AKAP14: variants seen among roughly 807,000 people sequenced by gnomAD.
The protein encoded by AKAP14 is A-kinase anchor protein 14.
A neutral mutation model predicts 17.0 loss-of-function variants in AKAP14; 4 were observed. That is an observed-to-expected ratio of 0.23 (90% CI 0.12 to 0.54). The LOEUF is 0.54. AKAP14 is among the 20% of genes least tolerant of loss of function. The probability of loss-of-function intolerance (pLI) is 0.95; values close to 1 mark genes in which losing one functional copy is unlikely to be tolerated. For synonymous variants in AKAP14, 42 were observed against 51.3 expected (o/e 0.82, Z 0.77); for missense variants, 129 against 150.9 (o/e 0.85, Z 0.76).
At chrX:119,920,387 A>G (rs2056682435) in intron 6 of AKAP14, 121 bp from the exon 7 acceptor site, 2 of 525,260 alleles carry the variant, frequency 3.8e-6, no homozygotes, top group African/African-American at 4.7e-5. Flanking sequence ...TCCCCCGCCA[A>G]TAAAAGAGGC....
chrX:119,902,328 G>A (rs750263727), intron 2 of AKAP14, among the ~76,000 whole-genome samples: 40 of 110,625 alleles, frequency 3.6e-4, no homozygotes, highest in African/African-American at 1.3e-3. Flanking sequence ...CCTGCCTCAG[G>A]CTCCCAAAGT....
At position 119,911,971 on chromosome X, in the gene AKAP14, C is replaced by T. The variant is rs185061064; in HGVS notation, c.262-2728C>T. Reference sequence around the variant, plus strand: ...CTGAGATGGAGTTTCGCTCTTGTCGCCCAGGCTGAAGTGCAATGGCGCGAT... The same window carrying T: ...CTGAGATGGAGTTTCGCTCTTGTCGTCCAGGCTGAAGTGCAATGGCGCGAT... On this transcript the variant is annotated intron_variant, in intron 4 of 6. Coordinates refer to ENST00000371431, the MANE Select transcript of AKAP14 (RefSeq NM_178813.6). 1.7e-3 allele frequency among the ~76,000 whole-genome samples: 184 copies of T among 107,317 alleles called. 1 individual carries two copies. Among genetic ancestry groups the T allele is most frequent in the African/African-American group, 5.8e-3 (172 of 29,521 alleles). The allele number at this position is 107,317 out of a possible 115,157, so 93.2% of individuals were successfully genotyped here. A position where few individuals can be genotyped will look rare whatever the true frequency, so the allele number is the denominator to read the frequency against.
intron 4 of AKAP14, among the ~76,000 whole-genome samples, chrX:119,912,654 G>T (rs1384795063): frequency 1.8e-5 from 2 of 110,514 alleles, no homozygotes; most frequent in African/African-American, 6.6e-5. Flanking sequence ...GCCTCCCAAA[G>T]TGCTGGCATT....
chrX:119,907,753 G>A (rs993755379), intron 4 of AKAP14, among the ~76,000 whole-genome samples: 3 of 111,602 alleles, frequency 2.7e-5, no homozygotes, highest in Non-Finnish European at 5.6e-5. Context: ...ACTGGCAGTG[G>A]CCACTGCACC....
chrX:119,914,735 G>A lies in AKAP14; in HGVS notation c.298G>A (p.Glu100Lys). ...VSKKCWAHGVEFVERKDLIHS... is the reference protein window; with the variant it reads ...VSKKCWAHGVKFVERKDLIHS... ...TAAAAAATGCTGGGCACATGGCGTA[G>A]AGTTTGTAGAGAGGAAAGACTTAAT... The change falls in exon 5 of 7, where the codon GAG (glutamate) becomes AAG (lysine). Residue 100 changes from glutamate to lysine, a missense_variant. Coordinates refer to ENST00000371431, the MANE Select transcript of AKAP14 (RefSeq NM_178813.6). The A allele has an allele frequency of 8.3e-7, 1 of 1,210,664 alleles. No homozygotes were observed.
rs1003565551 is a variant in AKAP14, at chrX:119,914,644, C to G, written c.262-55C>G. The G allele has an allele frequency of 3.6e-6, 4 of 1,124,616 alleles. No homozygotes were observed. The African/African-American group carries it at 7.3e-5, about 20-fold the overall frequency. 92.7% of individuals were successfully genotyped at this position (1,124,616 alleles called of 1,213,427 possible). A position where few individuals can be genotyped will look rare whatever the true frequency, so the allele number is the denominator to read the frequency against. Reference sequence around the variant, plus strand: ...AGCCATGCTGCATTTATCTACAGGACTTGAACAGAAGGCTTTTCTTTTTCT... The same window carrying G: ...AGCCATGCTGCATTTATCTACAGGAGTTGAACAGAAGGCTTTTCTTTTTCT... On this transcript the variant is annotated intron_variant, in intron 4 of 6. Transcript: ENST00000371431.
At chrX:119,902,934 G>A (rs1212622881) in intron 2 of AKAP14, among the ~76,000 whole-genome samples, 2 of 111,858 alleles carry the variant, frequency 1.8e-5, no homozygotes, top group Admixed American at 9.6e-5. Flanking sequence ...CAGGTGATCC[G>A]CCCGCCTCGG....
Position 119,920,585 on chromosome X carries a change from C to T in AKAP14, c.572C>T (p.Pro191Leu). ...DAKYSFMESF[P>L]FLFNRV ...AAATATAGTTTCATGGAGTCATTCC[C>T]CTTCTTATTCAATCGTGTCTGATAC... The change falls in exon 7 of 7, where the codon CCC becomes CTC. Residue 191 changes from proline to leucine, a missense_variant. Transcript: ENST00000371431. 1.7e-6 allele frequency: 2 copies of T among 1,203,198 alleles called. No homozygotes were observed. Among genetic ancestry groups the T allele is most frequent in the Non-Finnish European group, 2.2e-6 (2 of 889,228 alleles).
At chrX:119,904,194 T>C (rs1384180222) in intron 4 of AKAP14, among the ~76,000 whole-genome samples, 2 of 111,828 alleles carry the variant, frequency 1.8e-5, no homozygotes, top group African/African-American at 6.5e-5. Context: ...TGCCTTGGCC[T>C]CCCAAAGTGC....
chrX:119,908,481 TA>T (rs35098622), intron 4 of AKAP14, among the ~76,000 whole-genome samples: 9,492 of 109,656 alleles, frequency 0.087, 480 homozygotes, highest in African/African-American at 0.2. Flanking sequence ...ACTTTTATAA[TA>T]AAAAAAAGAC....
rs2056577928 is a variant in AKAP14, at chrX:119,903,256, A to G, written c.33A>G (p.Lys11=). ...AGACTCAAAATTCAACAAGCCAGAA[A>G]GCAATGGATGAGGATAACAAAGCCG... MSETQNSTSQ[K]AMDEDNKAAS... Residue 11 remains lysine, a synonymous_variant, in exon 3 of 7, where the codon AAA becomes AAG. Transcript: ENST00000371431. 8.3e-7 allele frequency: 1 copy of G among 1,208,928 alleles called. No individual in the cohort carries two copies. Among genetic ancestry groups the G allele is most frequent in the Admixed American group, 2.2e-5 (1 of 45,266 alleles).
chrX:119,912,088 G>A (rs954103604), intron 4 of AKAP14, among the ~76,000 whole-genome samples: 12 of 109,875 alleles, frequency 1.1e-4, no homozygotes, highest in Non-Finnish European at 1.5e-4. Flanking sequence ...CCACCACCAC[G>A]CCCGGCTCAT....
chrX:119,914,552 G>A (rs1220867205), intron 4 of AKAP14, 147 bp from the exon 5 acceptor site: 1 of 514,781 alleles, frequency 1.9e-6, no homozygotes, highest in African/African-American at 2.4e-5. Context: ...GGAACTCCTG[G>A]GCTCAAGCAA....
At chrX:119,901,976 G>A (rs755230940) in intron 2 of AKAP14, among the ~76,000 whole-genome samples, 1 of 110,578 alleles carries the variant, frequency 9.0e-6, no homozygotes, top group Non-Finnish European at 1.9e-5. Flanking sequence ...CCGAGATAGC[G>A]CCATTGCTCT....
chrX:119,902,393 G>C (rs1313591255), intron 2 of AKAP14, among the ~76,000 whole-genome samples: 1 of 110,640 alleles, frequency 9.0e-6, no homozygotes, highest in East Asian at 2.9e-4. Flanking sequence ...CTTTTTAAAA[G>C]TTAAGACAGG....
intron 4 of AKAP14, 51 bp from the exon 5 acceptor site, chrX:119,914,648 A>G (rs1743156262): frequency 2.6e-6 from 3 of 1,134,194 alleles, no homozygotes; most frequent in African/African-American, 3.6e-5. Flanking sequence ...ACAGGACTTG[A>G]ACAGAAGGCT....
At chrX:119,896,872 G>A (rs866874541) in intron 2 of AKAP14, among the ~76,000 whole-genome samples, 54 of 96,347 alleles carry the variant, frequency 5.6e-4, no homozygotes, top group Middle Eastern at 5.3e-3. Flanking sequence ...GTGCAGCAGC[G>A]CGATCAAGGC....
At chrX:119,913,707 C>T (rs910256173) in intron 4 of AKAP14, among the ~76,000 whole-genome samples, 17 of 111,078 alleles carry the variant, frequency 1.5e-4, no homozygotes, top group African/African-American at 5.5e-4. Flanking sequence ...ACCCAGGAGG[C>T]AGAGGTTGCA....
In AKAP14 at chrX:119,899,219, G is replaced by A. The variant is rs147162082; in HGVS notation, c.-11+2952G>A. Among the ~76,000 whole-genome samples the A allele has an allele frequency of 5.3e-3, 567 of 106,356 alleles. 3 individuals carry two copies. Among genetic ancestry groups the A allele is most frequent in the East Asian group, 0.015 (50 of 3,358 alleles). The allele number at this position is 106,356 out of a possible 115,157, so 92.4% of individuals were successfully genotyped here. A position where few individuals can be genotyped will look rare whatever the true frequency, so the allele number is the denominator to read the frequency against. On this transcript the variant is annotated intron_variant, in intron 2 of 6. Transcript: ENST00000371431. The stretch of plus-strand genomic sequence containing the variant: ...GAAAATGTGAGAATAGGGCCCTACT[G>A]CTCTTTCTCAATCTTGGAGGGAGAA...
Sources: gnomAD v4.1 joint callset for allele counts (sites outside exome capture counted in the v4.1 genomes callset) on GRCh38, gnomAD v4.1.1 for gene constraint, MANE v1.5 for transcripts, NCBI Gene and HGNC (gene_info 2026-07-23, HGNC 2026-07-21) for gene names.